The following PCDH11X variants were observed in gnomAD, a reference collection of about 807,000 sequenced individuals.
PCDH11X encodes protocadherin-11 X-linked.
A neutral mutation model predicts 53.3 loss-of-function variants in PCDH11X; 18 were observed. The ratio of observed to expected loss-of-function variants is 0.34; its 90% CI spans 0.23 to 0.50. The LOEUF is 0.50. PCDH11X is among the 20% of genes least tolerant of loss of function. The pLI, the probability that PCDH11X is intolerant of heterozygous loss-of-function variation, is 0.98. For synonymous variants in PCDH11X, 279 were observed against 393.3 expected, an observed-to-expected ratio of 0.71 and a Z score of 3.44; for missense variants, 570 against 1,032.4, an observed-to-expected ratio of 0.55 and a Z score of 6.14.
At chrX:92,267,164 A>T (rs185075542) in intron 8 of PCDH11X, among the ~76,000 whole-genome samples, 1 of 112,208 alleles carries the variant, frequency 8.9e-6, no homozygotes, top group East Asian at 2.8e-4. Flanking sequence ...TCCCTTATTT[A>T]GCATTAACCT....
At chrX:92,438,064 A>T (rs2072428392) in intron 9 of PCDH11X, among the ~76,000 whole-genome samples, 6 of 111,623 alleles carry the variant, frequency 5.4e-5, no homozygotes, top group Admixed American at 2.9e-4. Flanking sequence ...ATAAGCAAAC[A>T]CAATATTTTA....
At chrX:92,399,697 C>A (rs1188377982) in intron 9 of PCDH11X, among the ~76,000 whole-genome samples, 2 of 110,173 alleles carry the variant, frequency 1.8e-5, no homozygotes, top group Non-Finnish European at 3.8e-5. Flanking sequence ...TCCACACACA[C>A]AAATGTGTAC....
chrX:92,134,543 C>T (rs2065052570), intron 6 of PCDH11X, among the ~76,000 whole-genome samples: 2 of 111,084 alleles, frequency 1.8e-5, no homozygotes, highest in Non-Finnish European at 3.8e-5. Context: ...GGTCTCGATC[C>T]AGACCTCAAA....
chrX:92,314,389 C>T (rs980350708), intron 8 of PCDH11X, among the ~76,000 whole-genome samples: 2 of 111,352 alleles, frequency 1.8e-5, no homozygotes, highest in African/African-American at 6.5e-5. Context: ...ATGCCGTCTT[C>T]TGAAACACCT....
intron 8 of PCDH11X, among the ~76,000 whole-genome samples, chrX:92,321,193 TG>T (rs777442627): frequency 0.077 from 7,257 of 94,635 alleles, 643 homozygotes; most frequent in East Asian, 0.5. Flanking sequence ...AGTTTTTTTT[TG>T]TTTTTTTTTT....
intron 8 of PCDH11X, among the ~76,000 whole-genome samples, chrX:92,321,174 T>C (rs2148493003): frequency 9.7e-6 from 1 of 103,427 alleles, no homozygotes; most frequent in Non-Finnish European, 1.9e-5. Flanking sequence ...ATCTGTGAGC[T>C]GAACTGTAAG....
chrX:92,351,688 G>A (rs2070055004), intron 8 of PCDH11X, among the ~76,000 whole-genome samples: 1 of 111,141 alleles, frequency 9.0e-6, no homozygotes, highest in Admixed American at 9.6e-5. Flanking sequence ...GTTAAATGAG[G>A]TAAAATCCAT....
At chrX:91,827,783 C>T (rs1307228732) in intron 4 of PCDH11X, among the ~76,000 whole-genome samples, 1 of 110,875 alleles carries the variant, frequency 9.0e-6, no homozygotes, top group Non-Finnish European at 1.9e-5. Flanking sequence ...TATATCTGGG[C>T]TCTCTATTCT....
intron 10 of PCDH11X, among the ~76,000 whole-genome samples, chrX:92,505,950 G>C (rs1477359046): frequency 1.8e-5 from 2 of 110,386 alleles, no homozygotes; most frequent in Non-Finnish European, 3.8e-5. Context: ...CATTCTTGAT[G>C]TGGCTCTCAG....
At chrX:92,005,208 G>A (rs1191900242) in intron 6 of PCDH11X, among the ~76,000 whole-genome samples, 3 of 111,144 alleles carry the variant, frequency 2.7e-5, no homozygotes, top group Non-Finnish European at 5.7e-5. Flanking sequence ...CTATTGATAA[G>A]TAAGGACCTA....
At chrX:92,275,029 A>G (rs1317662684) in intron 8 of PCDH11X, among the ~76,000 whole-genome samples, 1 of 107,230 alleles carries the variant, frequency 9.3e-6, no homozygotes, top group African/African-American at 3.4e-5. Context: ...CGGGGAGCAG[A>G]AAGTATATGC....
rs1376237034 is a variant in PCDH11X at position 92,576,011 on chromosome X, T to TATACAC, written c.3368-42252_3368-42251insTACACA. 5.0e-3 allele frequency among the ~76,000 whole-genome samples: 141 copies of TATACAC among 28,065 alleles called. 8 individuals carry two copies. Among genetic ancestry groups the TATACAC allele is most frequent in the African/African-American group, 0.019 (112 of 5,890 alleles). 24.4% of individuals were successfully genotyped at this position (28,065 alleles called of 115,157 possible). A position where few individuals can be genotyped will look rare whatever the true frequency, so the allele number is the denominator to read the frequency against. On this transcript the variant is annotated intron_variant, in intron 10 of 10. Coordinates refer to ENST00000682573, the MANE Select transcript of PCDH11X (RefSeq NM_032968.5). The stretch of plus-strand genomic sequence containing the variant: ...ATATATATATATATATATATATATA[T>TATACAC]ACACACACACACACACACACACACA...
chrX:92,308,531 G>T (rs2068878639), intron 8 of PCDH11X, among the ~76,000 whole-genome samples: 1 of 110,497 alleles, frequency 9.1e-6, no homozygotes, highest in Non-Finnish European at 1.9e-5. Flanking sequence ...ACCATAAGGG[G>T]TAATATATAA....
intron 8 of PCDH11X, among the ~76,000 whole-genome samples, chrX:92,288,758 G>A (rs1175015897): frequency 9.1e-6 from 1 of 109,791 alleles, no homozygotes; most frequent in African/African-American, 3.3e-5. Context: ...TAATCTTGAT[G>A]TGGTTTTTTT....
At chrX:92,607,612 A>G (rs1209721087) in intron 10 of PCDH11X, among the ~76,000 whole-genome samples, 1 of 111,993 alleles carries the variant, frequency 8.9e-6, no homozygotes, top group Non-Finnish European at 1.9e-5. Flanking sequence ...TTGAAGATAT[A>G]AACTACATCT....
At chrX:92,551,115 C>T (rs2074946491) in intron 10 of PCDH11X, among the ~76,000 whole-genome samples, 1 of 110,470 alleles carries the variant, frequency 9.1e-6, no homozygotes, top group Non-Finnish European at 1.9e-5. Flanking sequence ...AGGGGAATTG[C>T]TGGATCATAT....
intron 6 of PCDH11X, among the ~76,000 whole-genome samples, chrX:92,098,727 G>A (rs140852215): frequency 0.022 from 2,216 of 98,678 alleles, 66 homozygotes; most frequent in African/African-American, 0.078. Flanking sequence ...GGCTCACAGC[G>A]ACCTCTGCCT....
At chrX:91,892,812 G>A (rs1940564543) in intron 6 of PCDH11X, among the ~76,000 whole-genome samples, 1 of 108,475 alleles carries the variant, frequency 9.2e-6, no homozygotes, top group African/African-American at 3.4e-5. Context: ...AGCAATTTCA[G>A]GCTAATTTTT....
chrX:92,537,478 A>T (rs1269449007), intron 10 of PCDH11X, among the ~76,000 whole-genome samples: 1 of 110,795 alleles, frequency 9.0e-6, no homozygotes, highest in Non-Finnish European at 1.9e-5. Context: ...TCAAAATACC[A>T]ATGATATTTT....
Sources: gnomAD v4.1 joint callset for allele counts (sites outside exome capture counted in the v4.1 genomes callset) on GRCh38, gnomAD v4.1.1 for gene constraint, MANE v1.5 for transcripts, NCBI Gene and HGNC (gene_info 2026-07-23, HGNC 2026-07-21) for gene names.